The following EPHA6 variants were observed in gnomAD, a reference collection of about 807,000 sequenced individuals.
The protein encoded by EPHA6 is EPH receptor A6.
A neutral mutation model predicts 112.0 loss-of-function variants in EPHA6; 50 were observed. The ratio of observed to expected loss-of-function variants is 0.45; its 90% confidence interval spans 0.36 to 0.56. The LOEUF is 0.56. Ranked by LOEUF, EPHA6 falls within the 20% of genes least tolerant of loss-of-function variation. The pLI, the probability that EPHA6 is intolerant of heterozygous loss-of-function variation, is 0.00. For synonymous variants in EPHA6, 529 were observed against 490.7 expected (o/e 1.08, Z -1.03); for missense variants, 1,280 against 1,417.4 (o/e 0.90, Z 1.56).
intron 3 of EPHA6, among the ~76,000 whole-genome samples, chr3:97,114,972 T>G (rs1290056696): frequency 6.6e-6 from 1 of 152,026 alleles, no homozygotes; most frequent in Non-Finnish European, 1.5e-5. Flanking sequence ...GGAGTCATAT[T>G]TGAGCAGATC....
intron 3 of EPHA6, among the ~76,000 whole-genome samples, chr3:97,041,808 C>T (rs973052541): frequency 6.6e-6 from 1 of 152,032 alleles, no homozygotes; most frequent in Admixed American, 6.6e-5. Context: ...GAGGGCTACA[C>T]ACTTTTAAAC....
At position 97,276,490 on chromosome 3, in the gene EPHA6, C is replaced by A. The variant is rs566958341; in HGVS notation, c.1606+32203C>A. Among the ~76,000 whole-genome samples, 4 of 152,074 alleles carry A rather than the reference C, an allele frequency of 2.6e-5. No individual in the cohort carries two copies. The East Asian group carries it at 5.8e-4, about 22-fold the overall frequency. ...TTCTGGAGGAACACCTGGCCGACTG[C>A]GGTTCAGGCGTTTGGAAGTTCTTGT... On this transcript the variant is annotated intron_variant, in intron 5 of 17. Coordinates refer to ENST00000389672, the MANE Select transcript of EPHA6 (RefSeq NM_001080448.3).
At chr3:97,642,187 C>T (rs2094013869) in intron 14 of EPHA6, among the ~76,000 whole-genome samples, 3 of 105,422 alleles carry the variant, frequency 2.8e-5, no homozygotes, top group South Asian at 3.3e-4. Flanking sequence ...CACACTGACA[C>T]CTCACACGGC....
chr3:97,455,514 T>G (rs2090653543), intron 7 of EPHA6, among the ~76,000 whole-genome samples: 1 of 152,060 alleles, frequency 6.6e-6, no homozygotes, highest in African/African-American at 2.4e-5. Flanking sequence ...CTTTTTCACC[T>G]TAGTCATTAT....
At chr3:97,196,275 A>G (rs1032944986) in intron 3 of EPHA6, among the ~76,000 whole-genome samples, 2 of 151,810 alleles carry the variant, frequency 1.3e-5, no homozygotes, top group African/African-American at 4.8e-5. Flanking sequence ...AGACTCATAC[A>G]TTCTTCAATA....
intron 3 of EPHA6, among the ~76,000 whole-genome samples, chr3:97,009,367 A>T (rs1477152048): frequency 6.6e-6 from 1 of 152,206 alleles, no homozygotes; most frequent in African/African-American, 2.4e-5. Context: ...GGTCCGGGTT[A>T]GACCTTAAGA....
At chr3:96,909,424 A>AT (rs758038369) in intron 2 of EPHA6, among the ~76,000 whole-genome samples, 2 of 151,896 alleles carry the variant, frequency 1.3e-5, no homozygotes, top group African/African-American at 2.4e-5. Flanking sequence ...TACTAGTTTG[A>AT]TTTTTTTTAA....
At chr3:97,618,243 CA>C (rs2093782964) in intron 13 of EPHA6, among the ~76,000 whole-genome samples, 1 of 151,980 alleles carries the variant, frequency 6.6e-6, no homozygotes. Context: ...AATAAATATA[CA>C]ATGTGCCAGA....
intron 5 of EPHA6, among the ~76,000 whole-genome samples, chr3:97,374,574 T>C (rs956311426): frequency 2.6e-5 from 4 of 152,122 alleles, no homozygotes; most frequent in African/African-American, 9.7e-5. Context: ...AGGGTATGAT[T>C]GAACCTGTCA....
chr3:97,262,084 A>T (rs2079522305), intron 5 of EPHA6, among the ~76,000 whole-genome samples: 1 of 152,178 alleles, frequency 6.6e-6, no homozygotes, highest in African/African-American at 2.4e-5. Context: ...ACATACTTTC[A>T]TCAAAAAATA....
At chr3:97,038,482 A>T (rs920376918) in intron 3 of EPHA6, among the ~76,000 whole-genome samples, 1 of 152,052 alleles carries the variant, frequency 6.6e-6, no homozygotes, top group Non-Finnish European at 1.5e-5. Context: ...GGCAAATGAC[A>T]TGATTTTATG....
chr3:97,177,107 G>A lies in EPHA6; in HGVS notation c.1115-49157G>A, dbSNP rs146348745. 7.0e-3 allele frequency among the ~76,000 whole-genome samples: 1,067 copies of A among 151,714 alleles called. 17 individuals carry two copies. The highest frequency in any genetic ancestry group is 0.025 in the African/African-American group (1,023 of 41,478). On this transcript the variant is annotated intron_variant, in intron 3 of 17. Transcript: ENST00000389672. Reference sequence around the variant, plus strand: ...TATCATTTGATAAAAGAATTTTTCAGTTTTCTTATTAATTTCTTCATTGAC... The same window carrying A: ...TATCATTTGATAAAAGAATTTTTCAATTTTCTTATTAATTTCTTCATTGAC...
chr3:97,207,381 T>TG (rs1208873481), intron 3 of EPHA6, among the ~76,000 whole-genome samples: 2 of 152,192 alleles, frequency 1.3e-5, no homozygotes, highest in Admixed American at 1.3e-4. Context: ...GCCCATACTC[T>TG]GATGTTAAGA....
intron 1 of EPHA6, among the ~76,000 whole-genome samples, chr3:96,854,152 G>A (rs183178451): frequency 6.7e-6 from 1 of 148,672 alleles, no homozygotes; most frequent in Admixed American, 6.7e-5. Context: ...AAGATATATA[G>A]AATACTTCAA....
Position 96,866,855 on chromosome 3 carries a change from G to T in EPHA6, c.416G>T (p.Gly139Val). ...VVLLDTTTVL[G>V]ELGWKTYPLN... ...TTGCTTGATACAACAACTGTACTGG[G>T]AGAGCTAGGATGGAAAACATATCCA... Residue 139 changes from glycine (G) to valine (V), a missense_variant, in exon 2 of 18, where the codon GGA becomes GTA. Coordinates refer to ENST00000389672, the MANE Select transcript of EPHA6 (RefSeq NM_001080448.3). 6.7e-7 allele frequency: 1 copy of T among 1,490,350 alleles called. No homozygotes were observed. The highest frequency in any genetic ancestry group is 2.7e-5 in the East Asian group (1 of 37,352). 92.3% of individuals were successfully genotyped at this position (1,490,350 alleles called of 1,614,324 possible).
chr3:97,529,582 CA>C (rs528274038), intron 10 of EPHA6, among the ~76,000 whole-genome samples: 309 of 7,622 alleles, frequency 0.041, 2 homozygotes, highest in Middle Eastern at 0.25. Context: ...TCTACAATGT[CA>C]ATCACATAAT....
At chr3:96,876,298 C>T (rs886129370) in intron 2 of EPHA6, among the ~76,000 whole-genome samples, 1 of 151,712 alleles carries the variant, frequency 6.6e-6, no homozygotes, top group African/African-American at 2.4e-5. Context: ...TTATTTTCTA[C>T]AGACAACTAC....
intron 14 of EPHA6, among the ~76,000 whole-genome samples, chr3:97,656,534 A>G (rs923564409): frequency 2.0e-5 from 3 of 151,936 alleles, no homozygotes; most frequent in Non-Finnish European, 4.4e-5. Flanking sequence ...AAAAAATTTT[A>G]AATATTATAA....
chr3:97,700,835 C>A (rs1201293168), intron 14 of EPHA6, among the ~76,000 whole-genome samples: 1 of 152,110 alleles, frequency 6.6e-6, no homozygotes, highest in Non-Finnish European at 1.5e-5. Flanking sequence ...ATTTTCTCTG[C>A]AAATTAGATG....
Sources: allele counts gnomAD v4.1 joint callset (sites outside exome capture counted in the v4.1 genomes callset), GRCh38; gene constraint gnomAD v4.1.1; transcripts MANE v1.5; gene names NCBI Gene and HGNC (gene_info 2026-07-23, HGNC 2026-07-21).